IL10RB: variants seen among roughly 807,000 people sequenced by gnomAD.
IL10RB encodes interleukin-10 receptor subunit beta.
In IL10RB, 30 loss-of-function variants were observed where a neutral mutation model predicts 38.7. The observed-to-expected ratio is 0.78, with a 90% CI of 0.58 to 1.05. The LOEUF (loss-of-function observed/expected upper bound fraction) is 1.05. IL10RB is among the 50% of genes least tolerant of loss of function. The pLI, the probability that IL10RB is intolerant of heterozygous loss-of-function variation, is 0.00. For synonymous variants in IL10RB, 142 were observed against 145.9 expected, an observed-to-expected ratio of 0.97 and a Z score of 0.19; for missense variants, 328 against 397.1, an observed-to-expected ratio of 0.83 and a Z score of 1.48.
intron 2 of IL10RB, among the ~76,000 whole-genome samples, chr21:33,270,610 G>A (rs1403878258): frequency 5.3e-5 from 8 of 151,320 alleles, no homozygotes; most frequent in South Asian, 2.1e-4. Context: ...TCCTGACCTC[G>A]TGATCCACCC....
intron 1 of IL10RB, among the ~76,000 whole-genome samples, chr21:33,305,167 G>A (rs1446349686): frequency 2.0e-5 from 3 of 152,106 alleles, no homozygotes; most frequent in African/African-American, 7.2e-5. Context: ...GGCTGGAGTG[G>A]CATGATCTCA....
intron 3 of IL10RB, 62 bp from the exon 4 acceptor site, chr21:33,279,690 A>G: frequency 1.4e-6 from 2 of 1,426,716 alleles, no homozygotes; most frequent in Non-Finnish European, 2.0e-6. Context: ...GTTATGAAAA[A>G]TTAATGTTGA....
chr21:33,279,658 C>A, intron 3 of IL10RB, 94 bp from the exon 4 acceptor site: 2 of 1,045,740 alleles, frequency 1.9e-6, no homozygotes, highest in South Asian at 1.3e-5. Flanking sequence ...AGTGTACTTC[C>A]GTGGACTAAT....
At chr21:33,306,671 C>T (rs1008779072) in intron 1 of IL10RB, among the ~76,000 whole-genome samples, 1 of 152,012 alleles carries the variant, frequency 6.6e-6, no homozygotes, top group Non-Finnish European at 1.5e-5. Context: ...GTAGCTGGGA[C>T]TACAGGTTCG....
At position 33,271,909 on chromosome 21, in the gene IL10RB, T is replaced by A. The variant is rs372836004; in HGVS notation, c.173+3392T>A. On this transcript the variant is annotated intron_variant, in intron 2 of 6. Coordinates refer to ENST00000290200, the MANE Select transcript of IL10RB (RefSeq NM_000628.5). ...GAGTTCAAGACCAGCCTGGGCAACA[T>A]AGCAGCCTCTTGTCTCTACAATTTT... 2.3e-4 allele frequency among the ~76,000 whole-genome samples: 35 copies of A among 151,610 alleles called. No homozygotes were observed. The South Asian group carries it at 7.3e-3, about 32-fold the overall frequency.
chr21:33,290,678 A>T (rs572724751), intron 6 of IL10RB, among the ~76,000 whole-genome samples: 1 of 152,324 alleles, frequency 6.6e-6, no homozygotes, highest in South Asian at 2.1e-4. Flanking sequence ...TGCCCTCACC[A>T]GGTGTCATCT....
At chr21:33,305,214 T>C (rs2082996064) in intron 1 of IL10RB, among the ~76,000 whole-genome samples, 1 of 152,182 alleles carries the variant, frequency 6.6e-6, no homozygotes, top group African/African-American at 2.4e-5. Context: ...GCTCAGGTGA[T>C]TATCCCACCT....
chr21:33,300,678 T>C (rs1052671723), downstream of IL10RB, among the ~76,000 whole-genome samples: 2 of 151,944 alleles, frequency 1.3e-5, no homozygotes, highest in African/African-American at 2.4e-5. Flanking sequence ...CTTTAGGAGG[T>C]GGTGAATGGG....
At chr21:33,284,038 G>A (rs927132711) in intron 5 of IL10RB, among the ~76,000 whole-genome samples, 4 of 152,218 alleles carry the variant, frequency 2.6e-5, no homozygotes, top group Admixed American at 1.3e-4. Context: ...GCTCACGCCT[G>A]TAATCCTAAC....
intron 4 of IL10RB, among the ~76,000 whole-genome samples, chr21:33,281,968 C>G (rs932168223): frequency 6.6e-6 from 1 of 152,146 alleles, no homozygotes; most frequent in Non-Finnish European, 1.5e-5. Flanking sequence ...TACTATGCCA[C>G]CACCTTACCT....
At chr21:33,290,743 C>T (rs1209087292) in intron 6 of IL10RB, among the ~76,000 whole-genome samples, 1 of 152,234 alleles carries the variant, frequency 6.6e-6, no homozygotes, top group Non-Finnish European at 1.5e-5. Flanking sequence ...TTCTTCCAGT[C>T]TGGCAGCTGC....
At chr21:33,302,572 G>A (rs970108316) in intron 1 of IL10RB, among the ~76,000 whole-genome samples, 1 of 152,200 alleles carries the variant, frequency 6.6e-6, no homozygotes, top group Non-Finnish European at 1.5e-5. Context: ...CTAATCTAGA[G>A]ATCTTGGGAA....
At chr21:33,286,529 T>C (rs112546478) in intron 5 of IL10RB, among the ~76,000 whole-genome samples, 15 of 152,128 alleles carry the variant, frequency 9.9e-5, no homozygotes, top group African/African-American at 3.4e-4. Context: ...ATTAAAGCAG[T>C]CAAAACATTT....
chr21:33,288,144 C>G lies in IL10RB; in HGVS notation c.687C>G (p.Ala229=). 1 of 1,614,102 alleles carries G rather than the reference C, an allele frequency of 6.2e-7. No individual in the cohort carries two copies. Among genetic ancestry groups the G allele is most frequent in the South Asian group, 1.1e-5 (1 of 91,078 alleles). The change falls in exon 6 of 7, where the codon GCC becomes GCG. Residue 229 remains alanine (A), a synonymous_variant. Transcript: ENST00000290200. ...PSWMVAVILM[A]SVFMVCLALL... ...GGATGGTGGCCGTCATCCTCATGGC[C>G]TCGGTCTTCATGGTCTGCCTGGCAC...
chr21:33,283,305 A>G, intron 5 of IL10RB, 64 bp downstream of exon 5: 4 of 1,493,400 alleles, frequency 2.7e-6, no homozygotes, highest in Non-Finnish European at 2.8e-6. Flanking sequence ...TGCCCTAGAC[A>G]TGATTGCATC....
intron 1 of IL10RB, among the ~76,000 whole-genome samples, chr21:33,266,718 G>A (rs911203629): frequency 1.3e-5 from 2 of 152,188 alleles, no homozygotes; most frequent in Non-Finnish European, 2.9e-5. Flanking sequence ...AGCCCCATCC[G>A]CGCCCGGATT....
intron 2 of IL10RB, among the ~76,000 whole-genome samples, chr21:33,274,735 A>G (rs1989139418): frequency 6.6e-6 from 1 of 152,206 alleles, no homozygotes; most frequent in East Asian, 1.9e-4. Flanking sequence ...GCCGTCCTCC[A>G]GGCTTTGTTG....
In IL10RB at chr21:33,296,242, A is replaced by T; in HGVS notation, c.863A>T (p.Glu288Val). 1 of 1,614,114 alleles carries T rather than the reference A, an allele frequency of 6.2e-7. No homozygotes were observed. Among genetic ancestry groups the T allele is most frequent in the Non-Finnish European group, 8.5e-7 (1 of 1,179,984 alleles). The change falls in exon 7 of 7, where the codon GAG (glutamate) becomes GTG (valine). Residue 288 changes from glutamate (E) to valine (V), a missense_variant. Coordinates refer to ENST00000290200, the MANE Select transcript of IL10RB (RefSeq NM_000628.5). Reference protein sequence around the residue: ...LLFFSFPLSDENDVFDKLSVI... With the variant: ...LLFFSFPLSDVNDVFDKLSVI... ...TTTTTCTCCTTTCCATTGTCGGATG[A>T]GAATGATGTTTTTGACAAGCTAAGT... is the stretch of plus-strand genomic sequence containing the variant.
chr21:33,274,064 C>T (rs370806892), intron 2 of IL10RB, among the ~76,000 whole-genome samples: 2 of 152,220 alleles, frequency 1.3e-5, no homozygotes, highest in East Asian at 3.8e-4. Flanking sequence ...TTCTTAATGG[C>T]ATTTTGAATG....
Sources: gnomAD v4.1 joint callset for allele counts (sites outside exome capture counted in the v4.1 genomes callset) on GRCh38, gnomAD v4.1.1 for gene constraint, MANE v1.5 for transcripts, NCBI Gene and HGNC (gene_info 2026-07-23, HGNC 2026-07-21) for gene names.